The following SPDYE14 variants were observed in gnomAD, a reference collection of about 807,000 sequenced individuals.
The protein encoded by SPDYE14 is speedy protein E14.
chr7:75,251,762 G>A, the SPDYE14 span, among the ~76,000 whole-genome samples: 1 of 17,270 alleles, frequency 5.8e-5, no homozygotes, highest in Non-Finnish European at 1.6e-4. Flanking sequence ...GATCACTTGA[G>A]GTCAGGAGTT....
the SPDYE14 span, among the ~76,000 whole-genome samples, chr7:75,268,706 C>T: frequency 2.0e-5 from 1 of 49,258 alleles, no homozygotes; most frequent in Non-Finnish European, 4.9e-5. Context: ...CGGCGAAACC[C>T]TATCTCTACA....
At chr7:75,274,544 CGCCCAGGCTGGAGT>C in the SPDYE14 span, among the ~76,000 whole-genome samples, 1 of 136,102 alleles carries the variant, frequency 7.3e-6, no homozygotes, top group Non-Finnish European at 1.5e-5. Flanking sequence ...CTTGCTGTGT[CGCCCAGGCTGGAGT>C]GCAGTGGTGC....
chr7:75,264,024 T>TACAA, the SPDYE14 span, among the ~76,000 whole-genome samples: 615 of 96,612 alleles, frequency 6.4e-3, 69 homozygotes, highest in African/African-American at 0.016. Flanking sequence ...TGCCCCAAAG[T>TACAA]ACAAACAAGT....
the SPDYE14 span, among the ~76,000 whole-genome samples, chr7:75,249,570 C>CTTCCTTCT: frequency 8.4e-6 from 1 of 119,664 alleles, no homozygotes; most frequent in East Asian, 2.3e-4. Flanking sequence ...CATTTTCTTC[C>CTTCCTTCT]TTCCTTCTTT....
chr7:75,268,682 C>G, the SPDYE14 span, among the ~76,000 whole-genome samples: 1 of 37,710 alleles, frequency 2.7e-5, no homozygotes, highest in African/African-American at 6.3e-5. Context: ...TGCTTGAGAC[C>G]AGCCTGGGCA....
chr7:75,268,713 T>TACAAAAAA, the SPDYE14 span, among the ~76,000 whole-genome samples: 2 of 53,590 alleles, frequency 3.7e-5, no homozygotes, highest in East Asian at 5.7e-4. Context: ...ACCCTATCTC[T>TACAAAAAA]ACAAAAAAAC....
chr7:75,247,466 G>GAGAA, the SPDYE14 span, among the ~76,000 whole-genome samples: 126 of 97,028 alleles, frequency 1.3e-3, 4 homozygotes, highest in African/African-American at 3.7e-3. Context: ...GAAAGAAAAA[G>GAGAA]AGAAAGAAAG....
At chr7:75,256,837 AAAG>A in the SPDYE14 span, among the ~76,000 whole-genome samples, 1 of 11,670 alleles carries the variant, frequency 8.6e-5, no homozygotes, top group African/African-American at 1.9e-4. Flanking sequence ...AAAAAAAAAA[AAAG>A]ACCGGGTGCG....
At chr7:75,275,186 T>A in the SPDYE14 span, among the ~76,000 whole-genome samples, 1 of 56,274 alleles carries the variant, frequency 1.8e-5, no homozygotes, top group African/African-American at 4.2e-5. Context: ...TACTGGGAAG[T>A]GAGGAGCCCC....
the SPDYE14 span, among the ~76,000 whole-genome samples, chr7:75,271,220 A>AG: frequency 2.2e-5 from 1 of 44,836 alleles, no homozygotes; most frequent in African/African-American, 5.1e-5. Flanking sequence ...CTCTAAAAAA[A>AG]AAAAAAAAAA....
At chr7:75,303,508 CA>C in the SPDYE14 span, among the ~76,000 whole-genome samples, 1 of 23,856 alleles carries the variant, frequency 4.2e-5, no homozygotes, top group Non-Finnish European at 7.4e-5. Context: ...CACACACACA[CA>C]ATTAGCCAGG....
the SPDYE14 span, among the ~76,000 whole-genome samples, chr7:75,245,428 G>GAAAAAAAAAAAAAAAAAA: frequency 1.5e-5 from 1 of 67,776 alleles, no homozygotes; most frequent in Non-Finnish European, 3.0e-5. Flanking sequence ...ATGTCTCAAA[G>GAAAAAAAAAAAAAAAAAA]AAAAAAAAAA....
chr7:75,273,304 A>G, the SPDYE14 span, among the ~76,000 whole-genome samples: 5 of 61,316 alleles, frequency 8.2e-5, 2 homozygotes, highest in South Asian at 2.6e-3. Context: ...TGGGAGGCCA[A>G]GGTGGGTGGA....
chr7:75,264,592 C>T, the SPDYE14 span, among the ~76,000 whole-genome samples: 4 of 50,790 alleles, frequency 7.9e-5, 2 homozygotes, highest in Non-Finnish European at 2.0e-4. Context: ...CTTTGTTTAT[C>T]CAGTCTCCTG....
chr7:75,244,816 AG>A, the SPDYE14 span, among the ~76,000 whole-genome samples: 1 of 119,486 alleles, frequency 8.4e-6, no homozygotes, highest in African/African-American at 2.8e-5. Flanking sequence ...AAAACAGGCC[AG>A]GTATGGTGGC....
the SPDYE14 span, among the ~76,000 whole-genome samples, chr7:75,240,515 G>T: frequency 1.8e-5 from 1 of 55,220 alleles, no homozygotes; most frequent in African/African-American, 4.6e-5. Flanking sequence ...AGAATCACTT[G>T]AACCTGGGAG....
chr7:75,256,771 G>A, the SPDYE14 span, among the ~76,000 whole-genome samples: 1 of 8,308 alleles, frequency 1.2e-4, no homozygotes, highest in Non-Finnish European at 2.9e-4. Context: ...CCGAGATCAC[G>A]CCATTGCATT....
the SPDYE14 span, among the ~76,000 whole-genome samples, chr7:75,274,499 C>CTTT: frequency 2.3e-4 from 3 of 13,048 alleles, no homozygotes; most frequent in African/African-American, 8.3e-4. Context: ...CTAGTCCTGG[C>CTTT]TTTTTTTTTT....
At chr7:75,265,224 C>G in the SPDYE14 span, among the ~76,000 whole-genome samples, 451 of 88,878 alleles carry the variant, frequency 5.1e-3, 7 homozygotes, top group African/African-American at 0.019. Flanking sequence ...CTCAGCCTCC[C>G]AAGCAGCTGG....
Sources: gnomAD v4.1 joint callset for allele counts (sites outside exome capture counted in the v4.1 genomes callset) on GRCh38, gnomAD v4.1.1 for gene constraint, MANE v1.5 for transcripts, NCBI Gene and HGNC (gene_info 2026-07-23, HGNC 2026-07-21) for gene names.